The following HOXB3 variants were observed in gnomAD, a reference collection of about 807,000 sequenced individuals.
HOXB3 encodes homeobox B3.
HOXB3 carries 17 observed loss-of-function variants against 29.2 expected under a neutral mutation model. That is an observed-to-expected ratio of 0.58 (90% CI 0.40 to 0.87). The LOEUF is 0.87. Among genes scored for constraint, HOXB3 ranks in the 40% least tolerant of loss-of-function variants. The pLI, the probability that HOXB3 is intolerant of heterozygous loss-of-function variation, is 0.00. For synonymous variants in HOXB3, 317 were observed against 285.9 expected (o/e 1.11, Z -1.10); for missense variants, 637 against 616.3 (o/e 1.03, Z -0.35).
At chr17:48,587,572 G>A (rs2070071083) in intron 1 of HOXB3, among the ~76,000 whole-genome samples, 1 of 152,142 alleles carries the variant, frequency 6.6e-6, no homozygotes, top group Non-Finnish European at 1.5e-5. Context: ...AGGGATAAAG[G>A]AACCAGGCAA....
intron 2 of HOXB3, among the ~76,000 whole-genome samples, chr17:48,561,183 A>AACACACACACACACACAC (rs530713063): frequency 0.012 from 1,558 of 125,430 alleles, 43 homozygotes; most frequent in East Asian, 0.024. Flanking sequence ...TCCGTCTCAA[A>AACACACACACACACACAC]ACACACACAC....
At chr17:48,574,861 A>C (rs955406406) in intron 1 of HOXB3, among the ~76,000 whole-genome samples, 5 of 152,244 alleles carry the variant, frequency 3.3e-5, no homozygotes, top group African/African-American at 4.8e-5. Context: ...TACTGGAGCA[A>C]GGCTTCACAA....
intron 2 of HOXB3, among the ~76,000 whole-genome samples, chr17:48,570,628 A>T (rs949053189): frequency 6.6e-6 from 1 of 152,194 alleles, no homozygotes; most frequent in African/African-American, 2.4e-5. Flanking sequence ...AGCCCCAAAG[A>T]AACAGCCACC....
At chr17:48,551,325 G>A in intron 4 of HOXB3, 144 bp from the exon 5 acceptor site, 5 of 994,194 alleles carry the variant, frequency 5.0e-6, no homozygotes, top group East Asian at 4.0e-5. Flanking sequence ...GGTCCCCGCC[G>A]CCTCCTCACT....
chr17:48,561,183 A>AAAACACACACACACAC (rs1291395707), intron 2 of HOXB3, among the ~76,000 whole-genome samples: 1 of 125,382 alleles, frequency 8.0e-6, no homozygotes, highest in Non-Finnish European at 1.7e-5. Flanking sequence ...TCCGTCTCAA[A>AAAACACACACACACAC]ACACACACAC....
chr17:48,550,431 G>C lies in HOXB3; in HGVS notation c.1199C>G (p.Pro400Arg). Residue 400 changes from proline to arginine, a missense_variant, in exon 5 of 5, where the codon CCC (proline) becomes CGC (arginine). Physicochemically the swap from Pro to Arg is moderately radical, Grantham distance 103. Coordinates refer to ENST00000498678, the MANE Select transcript of HOXB3 (RefSeq NM_001384749.1). ...TGTGTAGGTGGGGTGGGGTTCGCAG[G>C]GTCCGTGGTGCTGGCTGGGCGCCAT... ...PPMAPSQHHGPCEPHPTYTDL... is the reference protein window; with the variant it reads ...PPMAPSQHHGRCEPHPTYTDL... 1 of 1,613,886 alleles carries C rather than the reference G, an allele frequency of 6.2e-7. No individual in the cohort carries two copies. The highest frequency in any genetic ancestry group is 8.5e-7 in the Non-Finnish European group (1 of 1,179,978).
intron 2 of HOXB3, among the ~76,000 whole-genome samples, chr17:48,556,028 C>T (rs2068975644): frequency 6.6e-6 from 1 of 152,096 alleles, no homozygotes; most frequent in Non-Finnish European, 1.5e-5. Context: ...CACCTCTCCC[C>T]CTTTAGCAAG....
At chr17:48,559,228 TCGG>T (rs1398569459) in intron 2 of HOXB3, among the ~76,000 whole-genome samples, 5 of 152,006 alleles carry the variant, frequency 3.3e-5, no homozygotes, top group African/African-American at 1.2e-4. Context: ...CTTCTAGACC[TCGG>T]CGGCGGGATC....
chr17:48,573,764 G>A, intron 2 of HOXB3, 73 bp downstream of exon 2: 1 of 667,866 alleles, frequency 1.5e-6, no homozygotes, highest in Non-Finnish European at 2.7e-6. Context: ...GCGAGAGAGT[G>A]TTTCTTCTTT....
At chr17:48,568,508 C>T (rs1277205357) in intron 2 of HOXB3, among the ~76,000 whole-genome samples, 8 of 152,054 alleles carry the variant, frequency 5.3e-5, no homozygotes, top group African/African-American at 2.4e-5. Context: ...GAAGTGCCTC[C>T]GAGAGCGACT....
rs375867831 is a variant in HOXB3 at position 48,578,268 on chromosome 17, G to A, written c.-424-4254C>T. Reference sequence around the variant, plus strand: ...CTCTGTGAATATTCCTCGCATGGAGGGAACTTGGGGTCGACATAGTTTGAG... The same window carrying A: ...CTCTGTGAATATTCCTCGCATGGAGAGAACTTGGGGTCGACATAGTTTGAG... On this transcript the variant is annotated intron_variant, in intron 1 of 4. Coordinates refer to ENST00000498678, the MANE Select transcript of HOXB3 (RefSeq NM_001384749.1). 4.3e-6 allele frequency: 7 copies of A among 1,613,738 alleles called. No homozygotes were observed. The African/African-American group carries it at 6.7e-5, about 15-fold the overall frequency.
At chr17:48,559,558 C>G (rs1439073329) in intron 2 of HOXB3, 1 of 152,236 alleles carries the variant, frequency 6.6e-6, no homozygotes, top group Admixed American at 6.5e-5. Flanking sequence ...AGGTCACACA[C>G]TCACCCGAAT....
At position 48,568,749 on chromosome 17, in the gene HOXB3, AGAGG is replaced by A. The variant is rs1283341208; in HGVS notation, c.-247+5084_-247+5087del. 2.6e-5 allele frequency among the ~76,000 whole-genome samples: 4 copies of A among 152,170 alleles called. No individual in the cohort carries two copies. The East Asian group carries it at 5.8e-4, about 22-fold the overall frequency. On this transcript the variant is annotated intron_variant, in intron 2 of 4. Coordinates refer to ENST00000498678, the MANE Select transcript of HOXB3 (RefSeq NM_001384749.1). ...GGTTGGAGGACAGAGGGAGAGAGGG[AGAGG>A]GAGGGAGGGAGAAAGAGAGAGAGAG...
chr17:48,586,398 G>T (rs1243600532), intron 1 of HOXB3, among the ~76,000 whole-genome samples: 1 of 152,126 alleles, frequency 6.6e-6, no homozygotes, highest in Non-Finnish European at 1.5e-5. Context: ...CGAAAGATCC[G>T]CCTAAACCTG....
intron 2 of HOXB3, among the ~76,000 whole-genome samples, chr17:48,558,017 T>C (rs1479943371): frequency 6.6e-6 from 1 of 151,820 alleles, no homozygotes; most frequent in African/African-American, 2.4e-5. Flanking sequence ...CCAGTACCTT[T>C]GGGGTTTTTT....
At chr17:48,576,686 C>T (rs764371963) in intron 1 of HOXB3, 7 of 1,535,240 alleles carry the variant, frequency 4.6e-6, no homozygotes, top group Non-Finnish European at 6.1e-6. Flanking sequence ...CTGCCCACCC[C>T]CACCCCGAGG....
At chr17:48,564,453 G>T (rs2144821950) in intron 2 of HOXB3, among the ~76,000 whole-genome samples, 1 of 151,454 alleles carries the variant, frequency 6.6e-6, no homozygotes, top group African/African-American at 2.4e-5. Context: ...CCCCGGCTTT[G>T]TTCGGCCTCC....
rs1029709206 is a variant in HOXB3 at position 48,550,439 on chromosome 17, G to A, written c.1191C>T (p.His397=). 3 of 1,613,766 alleles carry A rather than the reference G, an allele frequency of 1.9e-6. No homozygotes were observed. Among genetic ancestry groups the A allele is most frequent in the East Asian group, 2.2e-5 (1 of 44,866 alleles). The change falls in exon 5 of 5, where the codon CAC becomes CAT. Residue 397 remains histidine, a synonymous_variant. Transcript: ENST00000498678. ...TGGGGTGGGGTTCGCAGGGTCCGTG[G>A]TGCTGGCTGGGCGCCATAGGGGGCG... The part of the protein sequence containing the change: ...NGAPPMAPSQ[H]HGPCEPHPTY...
intron 2 of HOXB3, among the ~76,000 whole-genome samples, chr17:48,570,748 C>T (rs2144853224): frequency 6.6e-6 from 1 of 152,312 alleles, no homozygotes; most frequent in Admixed American, 6.5e-5. Context: ...GCCGGCCAGG[C>T]CTGGACTCTG....
Sources: allele counts gnomAD v4.1 joint callset (sites outside exome capture counted in the v4.1 genomes callset), GRCh38; gene constraint gnomAD v4.1.1; transcripts MANE v1.5; gene names NCBI Gene and HGNC (gene_info 2026-07-23, HGNC 2026-07-21).